BAZ2B: variants seen among roughly 807,000 people sequenced by gnomAD.
BAZ2B encodes bromodomain adjacent to zinc finger domain 2B, also known as bromodomain adjacent to zinc finger domain protein 2B.
BAZ2B carries 91 observed loss-of-function variants against 246.0 expected under a neutral mutation model. The observed-to-expected ratio is 0.37, with a 90% CI of 0.31 to 0.44. The LOEUF is 0.44. Ranked by LOEUF, BAZ2B falls within the 20% of genes least tolerant of loss-of-function variation. The probability of loss-of-function intolerance (pLI) is 1.00; values close to 1 mark genes in which losing one functional copy is unlikely to be tolerated. For missense variants in BAZ2B, 2,332 were observed against 2,533.7 expected, an observed-to-expected ratio of 0.92 and a Z score of 1.71; for synonymous variants, 855 against 860.0, an observed-to-expected ratio of 0.99 and a Z score of 0.10.
intron 22 of BAZ2B, 56 bp downstream of exon 22, chr2:159,386,297 C>G (rs2062650950): frequency 1.4e-6 from 2 of 1,463,234 alleles, no homozygotes; most frequent in Admixed American, 4.4e-5. Context: ...CTAAAGCTAT[C>G]TACCAATGCA....
chr2:159,383,404 T>C (rs2149513749), intron 24 of BAZ2B, among the ~76,000 whole-genome samples: 1 of 152,058 alleles, frequency 6.6e-6, no homozygotes, highest in East Asian at 1.9e-4. Context: ...ATGAAGAATA[T>C]AAGCTCAATG....
At chr2:159,566,490 C>T (rs1682627211) in intron 1 of BAZ2B, among the ~76,000 whole-genome samples, 1 of 152,142 alleles carries the variant, frequency 6.6e-6, no homozygotes, top group African/African-American at 2.4e-5. Context: ...ACTGCGCTTC[C>T]CCTTCTCCCT....
chr2:159,427,377 T>C (rs928519001), intron 13 of BAZ2B, among the ~76,000 whole-genome samples: 2 of 152,128 alleles, frequency 1.3e-5, no homozygotes, highest in African/African-American at 4.8e-5. Flanking sequence ...TGTGGTGATA[T>C]GTTCAGAAAT....
the BAZ2B span, among the ~76,000 whole-genome samples, chr2:159,658,410 T>A: frequency 6.6e-6 from 1 of 152,224 alleles, no homozygotes; most frequent in Non-Finnish European, 1.5e-5. Context: ...CATGGTTCAC[T>A]GCAACCTTGA....
At chr2:159,351,410 T>C (rs1223553066) in intron 27 of BAZ2B, among the ~76,000 whole-genome samples, 1 of 152,126 alleles carries the variant, frequency 6.6e-6, no homozygotes, top group East Asian at 1.9e-4. Flanking sequence ...TTATAAACAA[T>C]GCTGTAAATA....
chr2:159,330,392 A>G (rs2064524162), intron 34 of BAZ2B, among the ~76,000 whole-genome samples: 1 of 152,224 alleles, frequency 6.6e-6, no homozygotes. Context: ...ATGGTATCTT[A>G]GAAGTCAAGT....
chr2:159,579,818 C>T (rs1686289219), intron 1 of BAZ2B, among the ~76,000 whole-genome samples: 1 of 152,126 alleles, frequency 6.6e-6, no homozygotes, highest in African/African-American at 2.4e-5. Context: ...AGACAAAAAC[C>T]ACATCATTAT....
rs575055173 is a variant in BAZ2B at position 159,468,969 on chromosome 2, T to C, written c.145+9606A>G. On this transcript the variant is annotated intron_variant, in intron 3 of 36. Coordinates refer to ENST00000392783, the MANE Select transcript of BAZ2B (RefSeq NM_013450.4). ...GGGAGGCTGAGGCAGGAGAATTGCTTGAACACGGGAGGCAGAGGTTGCAGT... is the reference window on the plus strand; with the variant it reads ...GGGAGGCTGAGGCAGGAGAATTGCTCGAACACGGGAGGCAGAGGTTGCAGT... Among the ~76,000 whole-genome samples, 241 of 150,514 alleles carry C rather than the reference T, an allele frequency of 1.6e-3. 1 individual carries two copies. Among genetic ancestry groups the C allele is most frequent in the African/African-American group, 5.3e-3 (217 of 40,838 alleles).
Position 159,324,854 on chromosome 2 carries a change from G to T in BAZ2B, c.6310C>A (p.Pro2104Thr). 1 of 1,546,326 alleles carries T rather than the reference G, an allele frequency of 6.5e-7. No individual in the cohort carries two copies. The highest frequency in any genetic ancestry group is 1.3e-5 in the South Asian group (1 of 79,066). ...VPGYKKVIKK[P>T]MDFSTIREKL... Reference sequence around the variant, plus strand: ...TCTCTAATTGTGGAAAAATCCATAGGCTTCTTAATAACTTTCTTATAACCA... The same window carrying T: ...TCTCTAATTGTGGAAAAATCCATAGTCTTCTTAATAACTTTCTTATAACCA... Residue 2104 changes from proline (P) to threonine (T), a missense_variant, in exon 36 of 37, where the codon CCT becomes ACT. By Grantham distance (38) the Pro-to-Thr change is conservative. This residue lies in a region of BAZ2B where 210 missense variants were observed against 232.5 expected (regional missense o/e 0.90). Coordinates refer to ENST00000392783, the MANE Select transcript of BAZ2B (RefSeq NM_013450.4).
chr2:159,404,743 T>C, intron 16 of BAZ2B, 106 bp downstream of exon 16: 3 of 959,674 alleles, frequency 3.1e-6, no homozygotes. Context: ...ACACAAATAT[T>C]AATGTGAAAT....
the BAZ2B span, among the ~76,000 whole-genome samples, chr2:159,651,107 T>C: frequency 1.3e-5 from 2 of 152,196 alleles, no homozygotes; most frequent in Non-Finnish European, 2.9e-5. Context: ...GTTATCAAGA[T>C]ACTTTCTTTC....
intron 18 of BAZ2B, chr2:159,398,428 G>T (rs2064407738): frequency 6.5e-6 from 1 of 154,264 alleles, no homozygotes; most frequent in African/African-American, 2.4e-5. Flanking sequence ...GTTATAAAGG[G>T]GAGAATCAGA....
chr2:159,408,593 A>T (rs1303974407), intron 14 of BAZ2B, among the ~76,000 whole-genome samples: 1 of 152,130 alleles, frequency 6.6e-6, no homozygotes, highest in Non-Finnish European at 1.5e-5. Context: ...TAAATTTTAC[A>T]TTATGGGCAG....
Position 159,349,886 on chromosome 2 carries a change from A to G in BAZ2B, c.4685T>C (p.Leu1562Pro). The change falls in exon 28 of 37, where the codon CTT becomes CCT. Residue 1562 changes from leucine (L) to proline (P), a missense_variant. Physicochemically the swap from Leu to Pro is moderately conservative, Grantham distance 98 (BLOSUM62 -3). Around this residue, in one of 9 missense-constraint regions of BAZ2B, gnomAD observed 676 missense variants for 668.6 expected, o/e 1.01. Coordinates refer to ENST00000392783, the MANE Select transcript of BAZ2B (RefSeq NM_013450.4). ...LTEKNRQWFS[L>P]LPRTPCDDTS... is the part of the protein sequence containing the mutation. ...GTCATCACAGGGTGTTCGTGGCAAAAGACTAAACCATTGTCTATTCTTTTC... is the reference window on the plus strand; with the variant it reads ...GTCATCACAGGGTGTTCGTGGCAAAGGACTAAACCATTGTCTATTCTTTTC... The G allele has an allele frequency of 1.9e-6, 3 of 1,614,190 alleles. No homozygotes were observed. The highest frequency in any genetic ancestry group is 1.7e-6 in the Non-Finnish European group (2 of 1,180,024).
intron 1 of BAZ2B, among the ~76,000 whole-genome samples, chr2:159,613,689 T>A (rs1056554398): frequency 2.6e-5 from 4 of 152,158 alleles, no homozygotes; most frequent in Admixed American, 6.5e-5. Flanking sequence ...AAACTGCTTA[T>A]CCTCTGTTGC....
In BAZ2B at chr2:159,431,023, A is replaced by G. The variant is rs2071012505; in HGVS notation, c.2034T>C (p.Ser678=). 6.2e-7 allele frequency: 1 copy of G among 1,613,904 alleles called. No homozygotes were observed. The highest frequency in any genetic ancestry group is 8.5e-7 in the Non-Finnish European group (1 of 1,179,914). ...TGAGACTCATGGAAGGGCTTTTGAC[A>G]GAGGAAGTTGTTTTATTCAGTTTCA... ...TSMKLNKTTS[S]VKSPSMSLTG... is the part of the protein sequence containing the mutation. Residue 678 remains serine (S), a synonymous_variant, in exon 10 of 37, where the codon TCT becomes TCC. Coordinates refer to ENST00000392783, the MANE Select transcript of BAZ2B (RefSeq NM_013450.4).
At chr2:159,684,225 T>C in the BAZ2B span, among the ~76,000 whole-genome samples, 3 of 152,192 alleles carry the variant, frequency 2.0e-5, no homozygotes, top group African/African-American at 7.2e-5. Flanking sequence ...CTGACGAATA[T>C]TTGTGCTGTT....
At chr2:159,705,733 A>C in the BAZ2B span, among the ~76,000 whole-genome samples, 1 of 152,212 alleles carries the variant, frequency 6.6e-6, no homozygotes, top group Non-Finnish European at 1.5e-5. Context: ...AAAATGTAGG[A>C]TACTGCCTGA....
chr2:159,611,112 A>C (rs1406310980), intron 1 of BAZ2B, among the ~76,000 whole-genome samples: 2 of 151,986 alleles, frequency 1.3e-5, no homozygotes, highest in East Asian at 3.9e-4. Context: ...AAAAACTGTA[A>C]ATCAAAGTTT....
Sources: gnomAD v4.1 joint callset for allele counts (sites outside exome capture counted in the v4.1 genomes callset) on GRCh38, gnomAD v4.1.1 for gene constraint, gnomAD v4.1.1 regional missense constraint, MANE v1.5 for transcripts, NCBI Gene and HGNC (gene_info 2026-07-23, HGNC 2026-07-21) for gene names.